The following DDAH1 variants were observed in gnomAD, a reference collection of about 807,000 sequenced individuals.
The protein encoded by DDAH1 is N(G),N(G)-dimethylarginine dimethylaminohydrolase 1.
DDAH1 carries 19 observed loss-of-function variants against 28.8 expected under a neutral mutation model. That is an observed-to-expected ratio of 0.66 (90% CI 0.46 to 0.97). DDAH1 has a LOEUF of 0.97. Among genes scored for constraint, DDAH1 ranks in the 50% least tolerant of loss-of-function variants. The pLI is 0.00. For synonymous variants in DDAH1, 153 were observed against 154.4 expected (o/e 0.99, Z 0.07); for missense variants, 326 against 375.9 (o/e 0.87, Z 1.10).
chr1:85,334,972 T>C (rs1350697393), intron 4 of DDAH1, among the ~76,000 whole-genome samples: 1 of 152,100 alleles, frequency 6.6e-6, no homozygotes, highest in Non-Finnish European at 1.5e-5. Flanking sequence ...ATTCAGAGTT[T>C]CCCAAACAAC....
intron 1 of DDAH1, among the ~76,000 whole-genome samples, chr1:85,521,163 C>T (rs1293520556): frequency 6.6e-6 from 1 of 152,036 alleles, no homozygotes; most frequent in Non-Finnish European, 1.5e-5. Context: ...ATTCATCATT[C>T]TGCCTTCAAG....
At chr1:85,503,087 T>TAA (rs141834038) in intron 1 of DDAH1, among the ~76,000 whole-genome samples, 13 of 151,378 alleles carry the variant, frequency 8.6e-5, no homozygotes, top group East Asian at 5.8e-4. Context: ...AGAAATAAGT[T>TAA]AAAAAAAAAC....
chr1:85,373,909 G>C (rs772853088), intron 1 of DDAH1, among the ~76,000 whole-genome samples: 1 of 152,016 alleles, frequency 6.6e-6, no homozygotes, highest in Non-Finnish European at 1.5e-5. Context: ...AAAGAGCTGT[G>C]GTTGGTTGGT....
In DDAH1 at chr1:85,532,137, T is replaced by C. The variant is rs552098633; in HGVS notation, c.-122-35856A>G. 5.7e-4 allele frequency among the ~76,000 whole-genome samples: 86 copies of C among 151,874 alleles called. No individual in the cohort carries two copies. In the Middle Eastern group the frequency reaches 0.01, roughly 18 times the overall value. ...AGAGTTCATGCCTTTTTATTCTACCTGCTGTCTTAGAGACCCCATAGTCTG... is the reference window on the plus strand; with the variant it reads ...AGAGTTCATGCCTTTTTATTCTACCCGCTGTCTTAGAGACCCCATAGTCTG... On this transcript the variant is annotated intron_variant, in intron 1 of 6. Coordinates refer to the DDAH1 transcript ENST00000426972.
intron 1 of DDAH1, among the ~76,000 whole-genome samples, chr1:85,402,814 C>A (rs565982870): frequency 1.1e-3 from 159 of 149,636 alleles, no homozygotes; most frequent in Non-Finnish European, 1.9e-3. Context: ...GAGGCTGAGA[C>A]AGGAGAATGG....
intron 1 of DDAH1, among the ~76,000 whole-genome samples, chr1:85,359,507 T>G (rs1433879770): frequency 6.6e-6 from 1 of 152,202 alleles, no homozygotes; most frequent in Non-Finnish European, 1.5e-5. Flanking sequence ...ATGTCAGTCA[T>G]TTAGTCAGAA....
intron 1 of DDAH1, among the ~76,000 whole-genome samples, chr1:85,515,337 G>A (rs1657430067): frequency 7.1e-6 from 1 of 140,096 alleles, no homozygotes; most frequent in Admixed American, 7.5e-5. Flanking sequence ...TGAAGAATGA[G>A]TCCCTAAGTT....
In DDAH1 at chr1:85,558,243, T is replaced by C. The variant is rs111618970; in HGVS notation, c.-123+19741A>G. On this transcript the variant is annotated intron_variant, in intron 1 of 6. Coordinates refer to the DDAH1 transcript ENST00000426972. ...TGGGCCTGATGGCGGGCACCTGTAGTCCCAGCTACTTGGGAGGCTGAGACA... is the reference window on the plus strand; with the variant it reads ...TGGGCCTGATGGCGGGCACCTGTAGCCCCAGCTACTTGGGAGGCTGAGACA... 7.4e-3 allele frequency among the ~76,000 whole-genome samples: 1,119 copies of C among 152,208 alleles called. 16 individuals carry two copies. The highest frequency in any genetic ancestry group is 0.026 in the African/African-American group (1,067 of 41,518).
chr1:85,397,647 A>G (rs1278867891), intron 1 of DDAH1, among the ~76,000 whole-genome samples: 2 of 152,214 alleles, frequency 1.3e-5, no homozygotes, highest in Non-Finnish European at 2.9e-5. Context: ...CATAAGCTCA[A>G]TAAGAATTTG....
chr1:85,323,284 A>C (rs1250723891), intron 5 of DDAH1, among the ~76,000 whole-genome samples: 1 of 152,190 alleles, frequency 6.6e-6, no homozygotes, highest in Non-Finnish European at 1.5e-5. Context: ...TCTGTAATGC[A>C]TAGTATAAAT....
At chr1:85,352,606 G>A (rs1294828394) in intron 2 of DDAH1, among the ~76,000 whole-genome samples, 1 of 152,074 alleles carries the variant, frequency 6.6e-6, no homozygotes, top group African/African-American at 2.4e-5. Flanking sequence ...CTGTTACTCA[G>A]TAATTGGCCA....
At chr1:85,420,104 G>A (rs923480572) in intron 1 of DDAH1, among the ~76,000 whole-genome samples, 8 of 152,070 alleles carry the variant, frequency 5.3e-5, no homozygotes, top group African/African-American at 1.7e-4. Context: ...TGGGATGCAG[G>A]GAGCAGTGTC....
intron 4 of DDAH1, among the ~76,000 whole-genome samples, chr1:85,341,863 C>T (rs1343682973): frequency 1.3e-5 from 2 of 151,962 alleles, no homozygotes; most frequent in Admixed American, 1.3e-4. Context: ...CCCAGATGTT[C>T]CATCACTTAC....
chr1:85,476,673 C>T (rs1325995886), intron 2 of DDAH1, among the ~76,000 whole-genome samples: 2 of 152,148 alleles, frequency 1.3e-5, no homozygotes, highest in Non-Finnish European at 2.9e-5. Context: ...TTCTGCTATC[C>T]TGTACTGGTC....
intron 1 of DDAH1, chr1:85,376,933 A>G (rs779712899): frequency 5.9e-5 from 9 of 152,146 alleles, no homozygotes; most frequent in Non-Finnish European, 8.8e-5. Flanking sequence ...ATCCATCTGA[A>G]GTAGCAAAAC....
chr1:85,412,080 A>G (rs1033127912), intron 1 of DDAH1, among the ~76,000 whole-genome samples: 1 of 152,272 alleles, frequency 6.6e-6, no homozygotes, highest in Non-Finnish European at 1.5e-5. Flanking sequence ...ACCAAATTCC[A>G]GACATAGTGC....
chr1:85,529,636 A>G (rs2773112), intron 1 of DDAH1, among the ~76,000 whole-genome samples: 14,230 of 43,612 alleles, frequency 0.33, 2,912 homozygotes, highest in Middle Eastern at 0.55. Flanking sequence ...ATATTGCCTC[A>G]CCTGAATTGC....
At chr1:85,462,496 C>T (rs907507514) in intron 1 of DDAH1, among the ~76,000 whole-genome samples, 8 of 152,136 alleles carry the variant, frequency 5.3e-5, no homozygotes, top group Non-Finnish European at 1.2e-4. Context: ...TCCTTGGCTA[C>T]TGTGGATTTT....
intron 1 of DDAH1, among the ~76,000 whole-genome samples, chr1:85,576,082 T>TTA (rs1659593662): frequency 1.6e-5 from 2 of 122,382 alleles, no homozygotes; most frequent in Admixed American, 1.5e-4. Context: ...AAATAAAATT[T>TTA]AAAAAAAAAG....
Sources: allele counts gnomAD v4.1 joint callset (sites outside exome capture counted in the v4.1 genomes callset), GRCh38; gene constraint gnomAD v4.1.1; transcripts MANE v1.5; gene names NCBI Gene and HGNC (gene_info 2026-07-23, HGNC 2026-07-21).